The following FSTL4 variants were observed in gnomAD, a reference collection of about 807,000 sequenced individuals.
FSTL4 encodes follistatin like 4.
Under a neutral mutation model 78.2 loss-of-function variants are expected in FSTL4, and 28 were observed. That is an observed-to-expected ratio of 0.36 (90% CI 0.27 to 0.49). The LOEUF (loss-of-function observed/expected upper bound fraction) is 0.49. Among genes scored for constraint, FSTL4 ranks in the 20% least tolerant of loss-of-function variants. The pLI is 0.98. For synonymous variants in FSTL4, 422 were observed against 440.5 expected (o/e 0.96, Z 0.53); for missense variants, 922 against 1,084.9 (o/e 0.85, Z 2.11).
chr5:133,365,332 T>C (rs1372696317), intron 4 of FSTL4, among the ~76,000 whole-genome samples: 2 of 152,136 alleles, frequency 1.3e-5, no homozygotes, highest in Non-Finnish European at 2.9e-5. Flanking sequence ...GGCAAATGTT[T>C]TATTTGGGGA....
intron 4 of FSTL4, among the ~76,000 whole-genome samples, chr5:133,319,774 C>A (rs1488642363): frequency 6.6e-6 from 1 of 152,220 alleles, no homozygotes; most frequent in Non-Finnish European, 1.5e-5. Flanking sequence ...TGAGATGAAC[C>A]AAGGGATTCC....
At chr5:133,631,024 A>T in the FSTL4 span, among the ~76,000 whole-genome samples, 1 of 152,142 alleles carries the variant, frequency 6.6e-6, no homozygotes, top group Non-Finnish European at 1.5e-5. Flanking sequence ...TTAAACGTAA[A>T]ACCTAAAACC....
intron 1 of FSTL4, among the ~76,000 whole-genome samples, chr5:133,608,182 A>G (rs547665255): frequency 6.6e-6 from 1 of 152,342 alleles, no homozygotes; most frequent in South Asian, 2.1e-4. Flanking sequence ...AGATCAATTT[A>G]GATTAATAAG....
chr5:133,463,451 G>A (rs796985921), intron 3 of FSTL4, among the ~76,000 whole-genome samples: 9 of 152,094 alleles, frequency 5.9e-5, no homozygotes, highest in African/African-American at 2.2e-4. Context: ...TGTCCCTGTC[G>A]TATTTGGACT....
At chr5:133,606,143 G>A (rs1760971878) in intron 1 of FSTL4, among the ~76,000 whole-genome samples, 1 of 152,188 alleles carries the variant, frequency 6.6e-6, no homozygotes, top group Admixed American at 6.5e-5. Flanking sequence ...TTCTTGAGAT[G>A]GAGTTTCACT....
At chr5:133,789,963 A>G in the FSTL4 span, among the ~76,000 whole-genome samples, 2 of 152,200 alleles carry the variant, frequency 1.3e-5, no homozygotes, top group African/African-American at 4.8e-5. Context: ...ATAAATATTT[A>G]CCCCATAACG....
intron 3 of FSTL4, among the ~76,000 whole-genome samples, chr5:133,469,838 C>T (rs537332096): frequency 6.6e-6 from 1 of 152,066 alleles, no homozygotes; most frequent in East Asian, 1.9e-4. Context: ...AAGAGGCAGC[C>T]GCCGTACAGG....
chr5:133,816,805 C>T, the FSTL4 span, among the ~76,000 whole-genome samples: 4 of 152,244 alleles, frequency 2.6e-5, no homozygotes, highest in East Asian at 1.9e-4. Flanking sequence ...CTGACCCTTC[C>T]TCTCTTACCT....
the FSTL4 span, among the ~76,000 whole-genome samples, chr5:133,666,983 A>G: frequency 2.6e-5 from 4 of 152,160 alleles, no homozygotes; most frequent in African/African-American, 9.7e-5. Flanking sequence ...TTCTATTTCC[A>G]CCCCTGAGTT....
At chr5:133,222,492 A>G (rs538007587) in intron 11 of FSTL4, among the ~76,000 whole-genome samples, 1 of 152,310 alleles carries the variant, frequency 6.6e-6, no homozygotes, top group East Asian at 1.9e-4. Context: ...GAGGGGTCAA[A>G]GTCCCCACTA....
At chr5:133,276,059 G>T (rs569848782) in intron 6 of FSTL4, 1 of 152,326 alleles carries the variant, frequency 6.6e-6, no homozygotes, top group East Asian at 1.9e-4. Flanking sequence ...CATAAGGAAC[G>T]TGTACCTGGT....
At chr5:133,231,473 CCT>C (rs1751493238) in intron 8 of FSTL4, among the ~76,000 whole-genome samples, 1 of 152,148 alleles carries the variant, frequency 6.6e-6, no homozygotes, top group African/African-American at 2.4e-5. Flanking sequence ...GCCCTGATAT[CCT>C]CTTTTGCTTT....
chr5:133,599,852 G>C (rs1241598562), intron 2 of FSTL4, among the ~76,000 whole-genome samples: 3 of 151,764 alleles, frequency 2.0e-5, no homozygotes, highest in Non-Finnish European at 4.4e-5. Flanking sequence ...AAAAGTGGGG[G>C]GGCGGCCACT....
At chr5:133,458,757 T>A (rs1181751871) in intron 3 of FSTL4, among the ~76,000 whole-genome samples, 1 of 152,198 alleles carries the variant, frequency 6.6e-6, no homozygotes, top group African/African-American at 2.4e-5. Context: ...TGTGGGAGTA[T>A]TATCACCAAA....
At chr5:133,280,394 C>T (rs1438308078) in intron 6 of FSTL4, among the ~76,000 whole-genome samples, 1 of 152,152 alleles carries the variant, frequency 6.6e-6, no homozygotes, top group African/African-American at 2.4e-5. Flanking sequence ...CAGAGCTCGC[C>T]ACCTCAGAGC....
chr5:133,388,380 C>A (rs1363319866), intron 4 of FSTL4: 2 of 152,320 alleles, frequency 1.3e-5, no homozygotes, highest in South Asian at 2.1e-4. Flanking sequence ...GGTCTTACCA[C>A]CCCAAAATTC....
intron 3 of FSTL4, among the ~76,000 whole-genome samples, chr5:133,428,392 ACT>A (rs1048227810): frequency 2.0e-5 from 3 of 152,058 alleles, no homozygotes; most frequent in African/African-American, 7.2e-5. Context: ...GCCACCTCCA[ACT>A]GGACCATGGG....
chr5:133,224,228 G>A lies in FSTL4; in HGVS notation c.1313-12C>T, dbSNP rs756083651. On this transcript the variant is annotated splice_polypyrimidine_tract_variant and intron_variant, in intron 10 of 15. Transcript: ENST00000265342. ...CAGGATGTTTGCAACTGCAGCAGCA[G>A]AGAATGAGGAAAGCAGGAGTGTGAT... 2 of 1,610,478 alleles carry A rather than the reference G, an allele frequency of 1.2e-6. No homozygotes were observed. The highest frequency in any genetic ancestry group is 2.2e-5 in the East Asian group (1 of 44,886).
At chr5:133,744,510 G>A in the FSTL4 span, among the ~76,000 whole-genome samples, 4 of 152,314 alleles carry the variant, frequency 2.6e-5, no homozygotes, top group South Asian at 2.1e-4. Context: ...TCCTGCCCTG[G>A]TACAGAGTGT....
Sources: allele counts gnomAD v4.1 joint callset (sites outside exome capture counted in the v4.1 genomes callset), GRCh38; gene constraint gnomAD v4.1.1; transcripts MANE v1.5; gene names NCBI Gene and HGNC (gene_info 2026-07-23, HGNC 2026-07-21).